Variants in UHRF2 observed in about 807,000 individuals in gnomAD.
UHRF2 encodes ubiquitin like with PHD and ring finger domains 2.
In UHRF2, 23 loss-of-function variants were observed where a neutral mutation model predicts 96.8. The ratio of observed to expected loss-of-function variants is 0.24; its 90% CI spans 0.17 to 0.34. The LOEUF is 0.34. Among genes scored for constraint, UHRF2 ranks in the 10% least tolerant of loss-of-function variants. UHRF2 has a pLI of 1.00. For missense variants in UHRF2, 685 were observed against 981.5 expected, an observed-to-expected ratio of 0.70 and a Z score of 4.04; for synonymous variants, 385 against 332.6, an observed-to-expected ratio of 1.16 and a Z score of -1.72.
chr9:6,416,598 T>C (rs1009421415), intron 1 of UHRF2, among the ~76,000 whole-genome samples: 2 of 139,786 alleles, frequency 1.4e-5, no homozygotes, highest in Non-Finnish European at 3.0e-5. Flanking sequence ...GCGGGAGTGC[T>C]GTGGCGCGAT....
chr9:6,484,100 T>G (rs557735579), intron 8 of UHRF2, among the ~76,000 whole-genome samples: 5 of 151,102 alleles, frequency 3.3e-5, no homozygotes, highest in East Asian at 3.9e-4. Context: ...AGAGACAGGG[T>G]CTTGCTCTAT....
In UHRF2 at chr9:6,469,969, C is replaced by G. The variant is rs185560281; in HGVS notation, c.864-5422C>G. Among the ~76,000 whole-genome samples, 118 of 152,062 alleles carry G rather than the reference C, an allele frequency of 7.8e-4. 1 individual carries two copies. The South Asian group carries it at 8.1e-3, about 10-fold the overall frequency. On this transcript the variant is annotated intron_variant, in intron 4 of 15. Coordinates refer to ENST00000276893, the MANE Select transcript of UHRF2 (RefSeq NM_152896.3). ...AAAGAAAATGCACAGTGGTATATCA[C>G]AAACAAGAATGCTAAAAACTAAAGA...
intron 10 of UHRF2, chr9:6,494,642 A>G (rs1481995964): frequency 6.6e-6 from 1 of 152,202 alleles, no homozygotes; most frequent in Non-Finnish European, 1.5e-5. Flanking sequence ...GATAGCAAAA[A>G]TCACATTATA....
intron 1 of UHRF2, among the ~76,000 whole-genome samples, chr9:6,417,455 A>C (rs1385994821): frequency 6.6e-6 from 1 of 152,198 alleles, no homozygotes; most frequent in Non-Finnish European, 1.5e-5. Flanking sequence ...CTTAGAGCTT[A>C]ATTTGAGTGT....
chr9:6,431,698 AGGT>A (rs910301745), intron 2 of UHRF2, among the ~76,000 whole-genome samples: 5 of 152,248 alleles, frequency 3.3e-5, no homozygotes, highest in Admixed American at 2.6e-4. Context: ...CAGTATTTTG[AGGT>A]TGATTTAGGT....
rs1819397663 is a variant in UHRF2, at chr9:6,413,334, C to T, written c.-157C>T. On this transcript the variant is annotated 5_prime_UTR_variant, in exon 1 of 16. Coordinates refer to ENST00000276893, the MANE Select transcript of UHRF2 (RefSeq NM_152896.3). ...GGGCGCGCGCGCTGAGAGTCGTCGC[C>T]GCCTGTCGGGCCCGGCGTCCGGTCG... The T allele has an allele frequency of 6.0e-6, 4 of 664,322 alleles. No homozygotes were observed. The highest frequency in any genetic ancestry group is 3.9e-5 in the African/African-American group (2 of 51,474). 41.2% of individuals were successfully genotyped at this position (664,322 alleles called of 1,614,324 possible). A position where few individuals can be genotyped will look rare whatever the true frequency, so the allele number is the denominator to read the frequency against.
At chr9:6,491,914 A>T (rs1414353312) in intron 9 of UHRF2, among the ~76,000 whole-genome samples, 1 of 152,120 alleles carries the variant, frequency 6.6e-6, no homozygotes, top group African/African-American at 2.4e-5. Flanking sequence ...TTATTTTTTA[A>T]TAGAGACAAG....
intron 14 of UHRF2, among the ~76,000 whole-genome samples, chr9:6,502,534 C>T (rs567928325): frequency 2.6e-5 from 4 of 152,176 alleles, no homozygotes; most frequent in Non-Finnish European, 5.9e-5. Flanking sequence ...GCAATCCTCC[C>T]GCTTCAGCCT....
At chr9:6,428,051 T>G (rs10758788) in intron 2 of UHRF2, among the ~76,000 whole-genome samples, 1 of 152,048 alleles carries the variant, frequency 6.6e-6, no homozygotes, top group African/African-American at 2.4e-5. Context: ...AAATAATGAC[T>G]GTTTAGAATG....
intron 4 of UHRF2, among the ~76,000 whole-genome samples, chr9:6,465,552 C>G (rs1418925114): frequency 6.6e-6 from 1 of 152,150 alleles, no homozygotes; most frequent in East Asian, 1.9e-4. Flanking sequence ...TCTATTGCAT[C>G]TAAATTTTAA....
intron 2 of UHRF2, among the ~76,000 whole-genome samples, chr9:6,423,471 C>T (rs571336419): frequency 6.6e-6 from 1 of 151,996 alleles, no homozygotes. Context: ...ATTATGGCTG[C>T]TTATTAAAAA....
At chr9:6,464,456 A>G (rs1041994899) in intron 4 of UHRF2, among the ~76,000 whole-genome samples, 4 of 152,176 alleles carry the variant, frequency 2.6e-5, no homozygotes, top group African/African-American at 9.7e-5. Context: ...AAAGTTCAAG[A>G]AAGTTTTTTT....
intron 2 of UHRF2, among the ~76,000 whole-genome samples, chr9:6,428,306 A>G (rs1399976593): frequency 6.6e-6 from 1 of 152,152 alleles, no homozygotes; most frequent in Non-Finnish European, 1.5e-5. Flanking sequence ...ATAGAATAAC[A>G]ATACTCCCAG....
chr9:6,469,430 A>C (rs1415850848), intron 4 of UHRF2, among the ~76,000 whole-genome samples: 1 of 152,048 alleles, frequency 6.6e-6, no homozygotes, highest in African/African-American at 2.4e-5. Context: ...AGGCAGGAGA[A>C]TCACCTGAAC....
chr9:6,444,970 G>C (rs977639419), intron 3 of UHRF2, among the ~76,000 whole-genome samples: 6 of 151,980 alleles, frequency 3.9e-5, no homozygotes, highest in African/African-American at 9.6e-5. Context: ...TCTGTCACAG[G>C]CTACATAGTT....
chr9:6,452,481 G>A (rs115881405), intron 3 of UHRF2, among the ~76,000 whole-genome samples: 2,078 of 152,260 alleles, frequency 0.014, 44 homozygotes, highest in African/African-American at 0.047. Context: ...ATTTTAAGTA[G>A]GTCTGTGTCT....
At chr9:6,450,203 A>G (rs1427831851) in intron 3 of UHRF2, among the ~76,000 whole-genome samples, 2 of 152,052 alleles carry the variant, frequency 1.3e-5, no homozygotes, top group Non-Finnish European at 2.9e-5. Flanking sequence ...TTCCTTAATT[A>G]TCTATTTAAA....
chr9:6,490,499 A>G (rs1824594956), intron 9 of UHRF2, among the ~76,000 whole-genome samples: 1 of 152,208 alleles, frequency 6.6e-6, no homozygotes, highest in South Asian at 2.1e-4. Context: ...GTGGTGATGC[A>G]TGCCTGTAAT....
At chr9:6,492,322 G>T (rs1412501359) in intron 9 of UHRF2, 5 of 1,251,088 alleles carry the variant, frequency 4.0e-6, no homozygotes, top group Non-Finnish European at 5.2e-6. Context: ...TTATGAATAT[G>T]AATATTGTGG....
Sources: allele counts gnomAD v4.1 joint callset (sites outside exome capture counted in the v4.1 genomes callset), GRCh38; gene constraint gnomAD v4.1.1; transcripts MANE v1.5; gene names NCBI Gene and HGNC (gene_info 2026-07-23, HGNC 2026-07-21).